The following KCNMB2 variants were observed in gnomAD, a reference collection of about 807,000 sequenced individuals.
KCNMB2 encodes calcium-activated potassium channel subunit beta-2.
Under a neutral mutation model 24.5 loss-of-function variants are expected in KCNMB2, and 9 were observed. The ratio of observed to expected loss-of-function variants is 0.37; its 90% CI spans 0.22 to 0.64. The LOEUF (loss-of-function observed/expected upper bound fraction) is 0.64. KCNMB2 is among the 30% of genes least tolerant of loss of function. The probability of loss-of-function intolerance (pLI) is 0.63; values close to 1 mark genes in which losing one functional copy is unlikely to be tolerated. For missense variants in KCNMB2, 226 were observed against 284.3 expected, an observed-to-expected ratio of 0.79 and a Z score of 1.47; for synonymous variants, 109 against 104.4, an observed-to-expected ratio of 1.04 and a Z score of -0.27.
intron 1 of KCNMB2, among the ~76,000 whole-genome samples, chr3:178,677,448 C>T (rs184649600): frequency 8.5e-5 from 13 of 152,272 alleles, no homozygotes; most frequent in African/African-American, 2.6e-4. Flanking sequence ...TGGGAAGTCC[C>T]CACCTGACGC....
At chr3:178,822,549 T>TTC (rs398072022) in intron 2 of KCNMB2, among the ~76,000 whole-genome samples, 1 of 22,168 alleles carries the variant, frequency 4.5e-5, no homozygotes, top group African/African-American at 3.0e-3. Context: ...AACTGAACTC[T>TTC]GCTCTTCCAA....
intron 1 of KCNMB2, among the ~76,000 whole-genome samples, chr3:178,561,754 T>A (rs1716323745): frequency 6.6e-6 from 1 of 152,150 alleles, no homozygotes; most frequent in South Asian, 2.1e-4. Context: ...AGCTATAATC[T>A]GATATGCAGC....
rs540617687 is a variant in KCNMB2, at chr3:178,636,763, C to A, written c.-68+100052C>A. Among the ~76,000 whole-genome samples the A allele has an allele frequency of 2.0e-5, 3 of 152,310 alleles. No homozygotes were observed. The South Asian group carries it at 6.2e-4, about 32-fold the overall frequency. Reference sequence around the variant, plus strand: ...TTATTTTCTTCAACTTTTAAGTACACTGGTACATGTGCCAGATGTGCAGGT... The same window carrying A: ...TTATTTTCTTCAACTTTTAAGTACAATGGTACATGTGCCAGATGTGCAGGT... On this transcript the variant is annotated intron_variant, in intron 1 of 4. Transcript: ENST00000452583.
At chr3:178,691,544 T>C (rs1476572447) in intron 1 of KCNMB2, among the ~76,000 whole-genome samples, 2 of 152,150 alleles carry the variant, frequency 1.3e-5, no homozygotes, top group African/African-American at 4.8e-5. Context: ...TTGCTAAGGA[T>C]AAAGGCCTCC....
chr3:178,787,335 G>A (rs1713146726), intron 1 of KCNMB2, among the ~76,000 whole-genome samples: 1 of 152,034 alleles, frequency 6.6e-6, no homozygotes, highest in South Asian at 2.1e-4. Context: ...ACATATATAT[G>A]TATTAACTCA....
At chr3:178,566,671 T>TA (rs11286527) in intron 1 of KCNMB2, among the ~76,000 whole-genome samples, 5 of 151,744 alleles carry the variant, frequency 3.3e-5, no homozygotes, top group African/African-American at 7.2e-5. Flanking sequence ...CAAGCAAACA[T>TA]AAAAAAAAAC....
intron 1 of KCNMB2, among the ~76,000 whole-genome samples, chr3:178,718,770 T>C (rs1181744280): frequency 6.6e-6 from 1 of 152,204 alleles, no homozygotes; most frequent in East Asian, 1.9e-4. Context: ...TTTAGCATAC[T>C]TTAGTCTGAT....
chr3:178,665,004 A>C (rs1368755485), intron 1 of KCNMB2, among the ~76,000 whole-genome samples: 1 of 152,190 alleles, frequency 6.6e-6, no homozygotes, highest in African/African-American at 2.4e-5. Context: ...TTGATATAAA[A>C]TGGAACTGTG....
intron 1 of KCNMB2, among the ~76,000 whole-genome samples, chr3:178,753,973 C>T (rs1723934433): frequency 6.6e-6 from 1 of 151,324 alleles, no homozygotes; most frequent in African/African-American, 2.4e-5. Flanking sequence ...TCATAACCAC[C>T]ATTCTACTCT....
At chr3:178,630,386 A>G (rs745518019) in intron 1 of KCNMB2, among the ~76,000 whole-genome samples, 1 of 152,232 alleles carries the variant, frequency 6.6e-6, no homozygotes, top group Non-Finnish European at 1.5e-5. Flanking sequence ...CGGGACTGCC[A>G]CCAGTAAGCT....
intron 4 of KCNMB2, among the ~76,000 whole-genome samples, chr3:178,836,778 A>T (rs1157601424): frequency 6.6e-6 from 1 of 152,038 alleles, no homozygotes; most frequent in African/African-American, 2.4e-5. Flanking sequence ...CTAAAAGCTA[A>T]ATCTTCCCGT....
intron 2 of KCNMB2, among the ~76,000 whole-genome samples, chr3:178,816,368 C>T (rs1365220095): frequency 6.6e-6 from 1 of 151,718 alleles, no homozygotes; most frequent in South Asian, 2.1e-4. Context: ...TTATTTGGCC[C>T]TTTTCTATTT....
chr3:178,813,373 A>T (rs1385388565), intron 2 of KCNMB2, among the ~76,000 whole-genome samples: 1 of 152,176 alleles, frequency 6.6e-6, no homozygotes, highest in African/African-American at 2.4e-5. Flanking sequence ...TTTATATTTA[A>T]GCAACATTTT....
intron 1 of KCNMB2, among the ~76,000 whole-genome samples, chr3:178,638,733 C>A (rs1577065700): frequency 6.6e-6 from 1 of 152,056 alleles, no homozygotes; most frequent in South Asian, 2.1e-4. Context: ...TACATTTTGA[C>A]CAGGAAGTAT....
chr3:178,630,083 C>T (rs574057520), intron 1 of KCNMB2, among the ~76,000 whole-genome samples: 2 of 152,286 alleles, frequency 1.3e-5, no homozygotes, highest in East Asian at 1.9e-4. Flanking sequence ...CACCATATTG[C>T]TTTTTTCCTG....
rs191054816 is a variant in KCNMB2 at position 178,638,111 on chromosome 3, C to T, written c.-68+101400C>T. Among the ~76,000 whole-genome samples the T allele has an allele frequency of 2.0e-3, 304 of 152,274 alleles. 3 individuals are homozygous for T. The highest frequency in any genetic ancestry group is 6.8e-3 in the African/African-American group (284 of 41,556). On this transcript the variant is annotated intron_variant, in intron 1 of 4. Transcript: ENST00000452583. ...ATTCAGACCTCTCTGTGGATTTCCA[C>T]AATACCTAATTTGCGGCCTCACTTA...
chr3:178,618,224 G>C (rs1718784138), intron 1 of KCNMB2, among the ~76,000 whole-genome samples: 1 of 151,850 alleles, frequency 6.6e-6, no homozygotes, highest in Non-Finnish European at 1.5e-5. Context: ...CTTTTTATTT[G>C]TTTCTGTGTG....
At chr3:178,664,224 G>A (rs1720636842) in intron 1 of KCNMB2, among the ~76,000 whole-genome samples, 1 of 152,062 alleles carries the variant, frequency 6.6e-6, no homozygotes, top group Non-Finnish European at 1.5e-5. Context: ...CAATGGAGGA[G>A]GAGGGTCAAG....
At chr3:178,685,523 A>G (rs1721435271) in intron 1 of KCNMB2, among the ~76,000 whole-genome samples, 1 of 152,208 alleles carries the variant, frequency 6.6e-6, no homozygotes, top group African/African-American at 2.4e-5. Context: ...GCTATTGCTT[A>G]TTCTTGCCAA....
Sources: allele counts gnomAD v4.1 joint callset (sites outside exome capture counted in the v4.1 genomes callset), GRCh38; gene constraint gnomAD v4.1.1; transcripts MANE v1.5; gene names NCBI Gene and HGNC (gene_info 2026-07-23, HGNC 2026-07-21).